ZC3H3: variants seen among roughly 807,000 people sequenced by gnomAD.
ZC3H3 encodes zinc finger CCCH domain-containing protein 3.
Under a neutral mutation model 77.3 loss-of-function variants are expected in ZC3H3, and 36 were observed. The observed-to-expected ratio is 0.47, with a 90% CI of 0.36 to 0.61. The LOEUF is 0.61. ZC3H3 is among the 20% of genes least tolerant of loss of function. ZC3H3 has a pLI of 0.00. For missense variants in ZC3H3, 1,331 were observed against 1,312.2 expected (o/e 1.01, Z -0.22); for synonymous variants, 626 against 555.2 (o/e 1.13, Z -1.79).
At chr8:143,461,602 A>G (rs189272352) in intron 9 of ZC3H3, among the ~76,000 whole-genome samples, 1 of 152,192 alleles carries the variant, frequency 6.6e-6, no homozygotes, top group East Asian at 1.9e-4. Flanking sequence ...ACTGGCAACC[A>G]CCCGAACGGA....
intron 4 of ZC3H3, among the ~76,000 whole-genome samples, chr8:143,491,256 G>T (rs138764370): frequency 6.6e-6 from 1 of 152,332 alleles, no homozygotes; most frequent in African/African-American, 2.4e-5. Flanking sequence ...GAAGGTCCTT[G>T]TGCAAACTGA....
intron 3 of ZC3H3, among the ~76,000 whole-genome samples, chr8:143,522,903 G>A (rs1216090541): frequency 6.6e-6 from 1 of 151,100 alleles, no homozygotes; most frequent in Non-Finnish European, 1.5e-5. Flanking sequence ...CTTGGTGACA[G>A]AGCAAGACCC....
At chr8:143,465,956 C>G (rs1017264239) in intron 8 of ZC3H3, 108 bp from the exon 9 acceptor site, 4 of 1,428,014 alleles carry the variant, frequency 2.8e-6, no homozygotes, top group African/African-American at 1.4e-5. Flanking sequence ...AATGGACACG[C>G]GGCACCAGCA....
chr8:143,502,670 T>G (rs1425928106), intron 4 of ZC3H3, among the ~76,000 whole-genome samples: 2 of 152,184 alleles, frequency 1.3e-5, no homozygotes, highest in Admixed American at 6.5e-5. Flanking sequence ...AGAAAAAAAG[T>G]GACAAGCAGT....
intron 5 of ZC3H3, among the ~76,000 whole-genome samples, chr8:143,471,262 C>A (rs963382603): frequency 2.6e-5 from 4 of 152,266 alleles, no homozygotes; most frequent in African/African-American, 4.8e-5. Flanking sequence ...GTCCGTCTGG[C>A]ACATGGAGGC....
At position 143,536,280 on chromosome 8, in the gene ZC3H3, C is replaced by G. The variant is rs1822793086; in HGVS notation, c.1538G>C (p.Arg513Pro). 2 of 1,611,484 alleles carry G rather than the reference C, an allele frequency of 1.2e-6. No homozygotes were observed. ...THRLCRLPPS[R>P]AHLPTKEASS... is the part of the protein sequence containing the mutation. ...ACCTTCCTTGGTGGGGAGGTGGGCC[C>G]GGCTCGGTGGCAGGCGACATAGTCG... The change falls in exon 3 of 12, where the codon CGG becomes CCG. Residue 513 changes from arginine (R) to proline (P), a missense_variant. Arg to Pro is a moderately radical substitution (Grantham distance 103). Coordinates refer to ENST00000262577, the MANE Select transcript of ZC3H3 (RefSeq NM_015117.3).
At chr8:143,508,278 C>T (rs1394272198) in intron 3 of ZC3H3, among the ~76,000 whole-genome samples, 1 of 152,220 alleles carries the variant, frequency 6.6e-6, no homozygotes, top group African/African-American at 2.4e-5. Flanking sequence ...TGACTGACTT[C>T]CAGCAGAGCA....
At chr8:143,455,774 G>GTT (rs1486379143) in intron 9 of ZC3H3, among the ~76,000 whole-genome samples, 1 of 151,532 alleles carries the variant, frequency 6.6e-6, no homozygotes, top group East Asian at 1.9e-4. Context: ...GGAGTTCAAG[G>GTT]CCAGCCTGGC....
chr8:143,495,995 T>C (rs1292713579), intron 4 of ZC3H3, among the ~76,000 whole-genome samples: 2 of 152,160 alleles, frequency 1.3e-5, no homozygotes, highest in Admixed American at 1.3e-4. Context: ...TGTGGACCTC[T>C]AGTTAGTGGC....
intron 4 of ZC3H3, among the ~76,000 whole-genome samples, chr8:143,495,758 C>CT (rs953504184): frequency 8.2e-6 from 1 of 121,468 alleles, no homozygotes; most frequent in Non-Finnish European, 1.7e-5. Flanking sequence ...TTTTTCTTTT[C>CT]TTTCTTTTTT....
intron 3 of ZC3H3, among the ~76,000 whole-genome samples, chr8:143,508,956 C>T (rs1038874566): frequency 2.6e-5 from 4 of 152,206 alleles, no homozygotes; most frequent in African/African-American, 4.8e-5. Context: ...CTAAACGCAA[C>T]GGACCTTGAG....
chr8:143,497,607 G>A (rs1282716925), intron 4 of ZC3H3, among the ~76,000 whole-genome samples: 1 of 152,220 alleles, frequency 6.6e-6, no homozygotes, highest in Non-Finnish European at 1.5e-5. Context: ...GTGGAGTCCT[G>A]GAGTAGGCAG....
rs149900480 is a variant in ZC3H3 at position 143,528,272 on chromosome 8, C to G, written c.1561+7985G>C. On this transcript the variant is annotated intron_variant, in intron 3 of 11. Transcript: ENST00000262577. Reference sequence around the variant, plus strand: ...TTCTGACCACAGCGCTCCAGCTCCCCACAAGGCTGGGACCCAGACCCAGCC... The same window carrying G: ...TTCTGACCACAGCGCTCCAGCTCCCGACAAGGCTGGGACCCAGACCCAGCC... Among the ~76,000 whole-genome samples the G allele has an allele frequency of 9.7e-3, 1,484 of 152,324 alleles. 22 individuals carry two copies. Among genetic ancestry groups the G allele is most frequent in the African/African-American group, 0.034 (1,406 of 41,584 alleles).
At chr8:143,501,945 G>A (rs559630497) in intron 4 of ZC3H3, among the ~76,000 whole-genome samples, 31 of 152,254 alleles carry the variant, frequency 2.0e-4, no homozygotes, top group Non-Finnish European at 3.1e-4. Context: ...GCGGGATGGC[G>A]TGAGGACGCA....
At position 143,472,148 on chromosome 8, in the gene ZC3H3, C is replaced by G. The variant is rs1347550594; in HGVS notation, c.1903+3250G>C. Among the ~76,000 whole-genome samples, 8 of 152,246 alleles carry G rather than the reference C, an allele frequency of 5.3e-5. No homozygotes were observed. In the East Asian group the frequency reaches 1.5e-3, roughly 29 times the overall value. ...TGCCTGCCCTGGCTGGCACCAGCCT[C>G]TGTGCGCCAGACCCTCCTTGCTGGC... On this transcript the variant is annotated intron_variant, in intron 5 of 11. Coordinates refer to ENST00000262577, the MANE Select transcript of ZC3H3 (RefSeq NM_015117.3).
intron 1 of ZC3H3, among the ~76,000 whole-genome samples, chr8:143,540,773 T>C (rs1822984970): frequency 6.6e-6 from 1 of 151,972 alleles, no homozygotes; most frequent in African/African-American, 2.4e-5. Context: ...CTGGCCAACA[T>C]GGTGAAACCC....
Position 143,538,810 on chromosome 8 carries a change from T to C in ZC3H3, c.557A>G (p.Glu186Gly), listed in dbSNP as rs1288220616. Residue 186 changes from glutamate (E) to glycine (G), a missense_variant, in exon 2 of 12, where the codon GAA (glutamate) becomes GGA (glycine). By Grantham distance (98) the Glu-to-Gly change is moderately conservative. Coordinates refer to ENST00000262577, the MANE Select transcript of ZC3H3 (RefSeq NM_015117.3). ...PTRARGTCSV[E>G]DPLLVCQKEP... ...CTTCTGGCAGACCAGAAGAGGATCT[T>C]CCACACTGCAGGTCCCCCTGGCTCT... is the stretch of plus-strand genomic sequence containing the variant. 2 of 1,612,324 alleles carry C rather than the reference T, an allele frequency of 1.2e-6. No homozygotes were observed. Among genetic ancestry groups the C allele is most frequent in the Non-Finnish European group, 1.7e-6 (2 of 1,179,834 alleles).
At chr8:143,480,505 G>C (rs966862640) in intron 4 of ZC3H3, among the ~76,000 whole-genome samples, 1 of 152,262 alleles carries the variant, frequency 6.6e-6, no homozygotes, top group African/African-American at 2.4e-5. Flanking sequence ...CCTGGGCACA[G>C]ATGCACACAT....
chr8:143,517,327 C>A (rs1285056740), intron 3 of ZC3H3, among the ~76,000 whole-genome samples: 1 of 152,150 alleles, frequency 6.6e-6, no homozygotes, highest in African/African-American at 2.4e-5. Context: ...CTGCCCTCCA[C>A]GGCTGGAGAA....
Sources: gnomAD v4.1 joint callset for allele counts (sites outside exome capture counted in the v4.1 genomes callset) on GRCh38, gnomAD v4.1.1 for gene constraint, MANE v1.5 for transcripts, NCBI Gene and HGNC (gene_info 2026-07-23, HGNC 2026-07-21) for gene names.